RAD18: variants seen among roughly 807,000 people sequenced by gnomAD.
The protein encoded by RAD18 is RAD18 E3 ubiquitin protein ligase, also known as E3 ubiquitin-protein ligase RAD18.
Under a neutral mutation model 60.4 loss-of-function variants are expected in RAD18, and 47 were observed. That is an observed-to-expected ratio of 0.78 (90% CI 0.62 to 0.99). The LOEUF (loss-of-function observed/expected upper bound fraction) is 0.99. RAD18 is among the 50% of genes least tolerant of loss of function. The pLI is 0.00. For synonymous variants in RAD18, 225 were observed against 195.5 expected (o/e 1.15, Z -1.26); for missense variants, 640 against 593.3 (o/e 1.08, Z -0.82).
rs142759886 is a variant in RAD18, at chr3:8,893,323, G to A, written c.1323-2872C>T. Among the ~76,000 whole-genome samples, 44 of 152,248 alleles carry A rather than the reference G, an allele frequency of 2.9e-4. 1 individual carries two copies. The East Asian group carries it at 8.3e-3, about 29-fold the overall frequency. On this transcript the variant is annotated intron_variant, in intron 11 of 12. Transcript: ENST00000264926. ...TTTTTCTAGCATCTAGTAGTTACCT[G>A]CCCATATTTCTTCCCTTAATTGTGG...
At chr3:8,930,265 T>C (rs1940529250) in intron 7 of RAD18, among the ~76,000 whole-genome samples, 1 of 152,208 alleles carries the variant, frequency 6.6e-6, no homozygotes, top group African/African-American at 2.4e-5. Flanking sequence ...TGACCACAGA[T>C]AAACCTTGAA....
chr3:8,939,555 T>C lies in RAD18; in HGVS notation c.703A>G (p.Ser235Gly). 1 of 1,610,322 alleles carries C rather than the reference T, an allele frequency of 6.2e-7. No homozygotes were observed. The highest frequency in any genetic ancestry group is 8.5e-7 in the Non-Finnish European group (1 of 1,177,144). Residue 235 changes from serine to glycine, a missense_variant and splice_region_variant, in exon 6 of 13, where the codon AGT becomes GGT. By Grantham distance (56) the Ser-to-Gly change is moderately conservative. Transcript: ENST00000264926. ...AATGGTTCTGCTCAACTTCCTTACC[T>C]TCTGAGGCTTTCCTTCTTCTCTTCG... is the stretch of plus-strand genomic sequence containing the variant. ...SREEKKESLR[S>G]SVHKRKPLPK... is the part of the protein sequence containing the mutation.
intron 7 of RAD18, among the ~76,000 whole-genome samples, chr3:8,922,165 G>T (rs992038856): frequency 6.6e-6 from 1 of 152,158 alleles, no homozygotes; most frequent in African/African-American, 2.4e-5. Context: ...AAGCACAAGG[G>T]GTCAGGGAAT....
intron 7 of RAD18, among the ~76,000 whole-genome samples, chr3:8,916,990 G>A (rs573043087): frequency 1.0e-3 from 157 of 152,002 alleles, no homozygotes; most frequent in Non-Finnish European, 1.7e-3. Context: ...GAATTTCAAA[G>A]ATCAAGCAAC....
intron 11 of RAD18, among the ~76,000 whole-genome samples, chr3:8,891,143 C>T (rs1289292264): frequency 6.6e-6 from 1 of 151,488 alleles, no homozygotes; most frequent in Non-Finnish European, 1.5e-5. Context: ...CCACTTCCCA[C>T]CCCCACGAAA....
chr3:8,914,783 C>A (rs1442717523), intron 7 of RAD18, among the ~76,000 whole-genome samples: 2 of 152,062 alleles, frequency 1.3e-5, no homozygotes, highest in African/African-American at 4.8e-5. Flanking sequence ...GCATTCTATC[C>A]AATCCATTAA....
intron 7 of RAD18, among the ~76,000 whole-genome samples, chr3:8,920,894 T>C (rs1245062877): frequency 1.3e-5 from 2 of 152,070 alleles, no homozygotes; most frequent in African/African-American, 4.8e-5. Context: ...GGAAAAAAAA[T>C]CTACAAAGGT....
At chr3:8,911,591 TCCAGCGCAGGTGTGCTTCATCC>T (rs1454211537) in intron 9 of RAD18, among the ~76,000 whole-genome samples, 1 of 23,520 alleles carries the variant, frequency 4.3e-5, no homozygotes, top group Non-Finnish European at 1.6e-4. Context: ...CACACCTACA[TCCAGCGCAGGTGTGCTTCATCC>T]TCCCTCCCAC....
intron 2 of RAD18, among the ~76,000 whole-genome samples, chr3:8,951,264 T>C (rs913478990): frequency 2.0e-5 from 3 of 152,094 alleles, no homozygotes; most frequent in African/African-American, 7.2e-5. Context: ...AAAGAAGCTG[T>C]AGTGGGGGCC....
rs887740477 is a variant in RAD18, at chr3:8,948,539, G to A, written c.165C>T (p.Ser55=). The A allele has an allele frequency of 1.2e-6, 2 of 1,612,894 alleles. No homozygotes were observed. Among genetic ancestry groups the A allele is most frequent in the Non-Finnish European group, 8.5e-7 (1 of 1,179,300 alleles). The part of the protein sequence containing the change: ...YCSLCIRKFL[S]YKTQCPTCCV... ...AGCAAGTTGGACACTGAGTTTTATA[G>A]GACAGAAATTTTCTTATACAGAGAG... Residue 55 remains serine (S), a synonymous_variant, in exon 3 of 13, where the codon TCC becomes TCT. Coordinates refer to ENST00000264926, the MANE Select transcript of RAD18 (RefSeq NM_020165.4).
chr3:8,906,046 C>T (rs1464008031), intron 9 of RAD18, among the ~76,000 whole-genome samples: 1 of 152,058 alleles, frequency 6.6e-6, no homozygotes, highest in Non-Finnish European at 1.5e-5. Flanking sequence ...AACAGAGAGA[C>T]TGTGCCTTTG....
intron 9 of RAD18, among the ~76,000 whole-genome samples, chr3:8,906,168 G>A (rs943150144): frequency 1.3e-5 from 2 of 152,088 alleles, no homozygotes; most frequent in African/African-American, 4.8e-5. Flanking sequence ...AATGGAAAAG[G>A]TAAATACCAT....
intron 12 of RAD18, among the ~76,000 whole-genome samples, chr3:8,886,417 G>C (rs1030240994): frequency 6.6e-6 from 1 of 152,154 alleles, no homozygotes; most frequent in African/African-American, 2.4e-5. Context: ...TCAGCTGATG[G>C]CTTAAAATTT....
At chr3:8,945,870 T>C (rs1387615374) in intron 4 of RAD18, among the ~76,000 whole-genome samples, 2 of 152,232 alleles carry the variant, frequency 1.3e-5, no homozygotes, top group African/African-American at 4.8e-5. Flanking sequence ...GAAAGATGCT[T>C]ATACAGCTAT....
chr3:8,906,616 C>G (rs1940004665), intron 9 of RAD18, among the ~76,000 whole-genome samples: 1 of 152,114 alleles, frequency 6.6e-6, no homozygotes, highest in South Asian at 2.1e-4. Flanking sequence ...TTTGTTTTCT[C>G]TCTATCTCAG....
intron 6 of RAD18, among the ~76,000 whole-genome samples, chr3:8,937,655 A>C (rs1028488866): frequency 6.6e-6 from 1 of 152,202 alleles, no homozygotes; most frequent in Non-Finnish European, 1.5e-5. Context: ...TGTTGTCTTC[A>C]GAATCTCCAC....
intron 7 of RAD18, among the ~76,000 whole-genome samples, chr3:8,918,576 G>A (rs969967204): frequency 3.3e-5 from 5 of 149,958 alleles, no homozygotes; most frequent in African/African-American, 1.3e-4. Context: ...CTCAGCATGT[G>A]AGGAATGACA....
At chr3:8,928,385 G>A (rs1443503870) in intron 7 of RAD18, among the ~76,000 whole-genome samples, 1 of 152,046 alleles carries the variant, frequency 6.6e-6, no homozygotes, top group Non-Finnish European at 1.5e-5. Context: ...GGTAGAGCTT[G>A]TCAAATTAAA....
At chr3:8,919,824 T>G (rs1940283119) in intron 7 of RAD18, among the ~76,000 whole-genome samples, 1 of 138,270 alleles carries the variant, frequency 7.2e-6, no homozygotes, top group African/African-American at 2.7e-5. Flanking sequence ...ATGTTAGAAA[T>G]AAGAAGACGG....
Sources: allele counts gnomAD v4.1 joint callset (sites outside exome capture counted in the v4.1 genomes callset), GRCh38; gene constraint gnomAD v4.1.1; transcripts MANE v1.5; gene names NCBI Gene and HGNC (gene_info 2026-07-23, HGNC 2026-07-21).